The following PLCL1 variants were observed in gnomAD, a reference collection of about 807,000 sequenced individuals.
The protein encoded by PLCL1 is phospholipase C like 1 (inactive).
Under a neutral mutation model 84.4 loss-of-function variants are expected in PLCL1, and 41 were observed. That is an observed-to-expected ratio of 0.49 (90% CI 0.38 to 0.63). The LOEUF is 0.63. Ranked by LOEUF, PLCL1 falls within the 30% of genes least tolerant of loss-of-function variation. PLCL1 has a pLI of 0.00. For missense variants in PLCL1, 1,206 were observed against 1,367.8 expected, an observed-to-expected ratio of 0.88 and a Z score of 1.87; for synonymous variants, 490 against 488.3, an observed-to-expected ratio of 1.00 and a Z score of -0.05.
At chr2:198,132,618 T>C (rs1483448199) in intron 5 of PLCL1, among the ~76,000 whole-genome samples, 1 of 152,156 alleles carries the variant, frequency 6.6e-6, no homozygotes, top group East Asian at 1.9e-4. Context: ...GGAGGCCTTA[T>C]CATGACACTC....
rs1691359556 is a variant in PLCL1, at chr2:198,029,681, C to CTCTCT, written c.241-54074_241-54073insCTTCT. Among the ~76,000 whole-genome samples, 5 of 97,206 alleles carry CTCTCT rather than the reference C, an allele frequency of 5.1e-5. No individual in the cohort carries two copies. The South Asian group carries it at 1.4e-3, about 27-fold the overall frequency. 63.8% of individuals were successfully genotyped at this position (97,206 alleles called of 152,430 possible). On this transcript the variant is annotated intron_variant, in intron 1 of 5. Coordinates refer to ENST00000428675, the MANE Select transcript of PLCL1 (RefSeq NM_006226.4). ...ATGTCTCTTCCTTCCTTCTTCTCTT[C>CTCTCT]TCTTCTCTCCTCTTCTCTCCTCTTC...
At chr2:197,823,970 G>C (rs1690873934) in intron 1 of PLCL1, among the ~76,000 whole-genome samples, 1 of 152,110 alleles carries the variant, frequency 6.6e-6, no homozygotes, top group Admixed American at 6.6e-5. Context: ...TAGAGTAAAA[G>C]AATGAGCTAT....
intron 5 of PLCL1, among the ~76,000 whole-genome samples, chr2:198,110,838 T>C (rs1180457538): frequency 6.6e-6 from 1 of 151,774 alleles, no homozygotes; most frequent in Non-Finnish European, 1.5e-5. Context: ...TTTCCAGTGG[T>C]GTCTCTGGCA....
At chr2:197,890,109 C>G (rs1687987155) in intron 1 of PLCL1, among the ~76,000 whole-genome samples, 1 of 151,994 alleles carries the variant, frequency 6.6e-6, no homozygotes, top group South Asian at 2.1e-4. Flanking sequence ...GAGAGAAGAG[C>G]CAACAGGGAA....
rs1559121166 is a variant in PLCL1, at chr2:198,147,242, GAGAGAA to G, written c.*286_*291del. ...TGTGTGTGTGTGTGTGTGGCAGAGA[GAGAGAA>G]AGAGAGAGAGAGAGAGAAATTCTGT... is the stretch of plus-strand genomic sequence containing the variant. On this transcript the variant is annotated 3_prime_UTR_variant, in exon 6 of 6. Coordinates refer to ENST00000428675, the MANE Select transcript of PLCL1 (RefSeq NM_006226.4). 3 of 223,360 alleles carry G rather than the reference GAGAGAA, an allele frequency of 1.3e-5. No homozygotes were observed. Among genetic ancestry groups the G allele is most frequent in the African/African-American group, 4.7e-5 (2 of 42,670 alleles). 13.8% of individuals were successfully genotyped at this position (223,360 alleles called of 1,614,324 possible).
intron 1 of PLCL1, among the ~76,000 whole-genome samples, chr2:197,877,864 A>T (rs532294662): frequency 3.7e-4 from 57 of 152,254 alleles, no homozygotes; most frequent in African/African-American, 1.4e-3. Flanking sequence ...GGGGTCCTCA[A>T]ACCTCTTAAA....
intron 1 of PLCL1, among the ~76,000 whole-genome samples, chr2:198,040,938 A>G (rs1187645860): frequency 6.6e-6 from 1 of 152,188 alleles, no homozygotes; most frequent in African/African-American, 2.4e-5. Flanking sequence ...AGGCCAAAGA[A>G]AGGGCAACAA....
chr2:197,910,884 T>C (rs1221015458), intron 1 of PLCL1, among the ~76,000 whole-genome samples: 2 of 152,164 alleles, frequency 1.3e-5, no homozygotes, highest in African/African-American at 2.4e-5. Flanking sequence ...TTCTATAAAA[T>C]GTAAGAGGGA....
intron 1 of PLCL1, among the ~76,000 whole-genome samples, chr2:197,865,726 G>A (rs757581515): frequency 1.3e-5 from 2 of 151,826 alleles, no homozygotes. Flanking sequence ...AAAAATCACA[G>A]TTTAAGCTGG....
chr2:198,075,909 GCTCA>G (rs997644534), intron 1 of PLCL1, among the ~76,000 whole-genome samples: 3 of 152,174 alleles, frequency 2.0e-5, no homozygotes, highest in African/African-American at 7.2e-5. Flanking sequence ...CAGAGTAGGG[GCTCA>G]GTCAATCTTT....
intron 1 of PLCL1, among the ~76,000 whole-genome samples, chr2:197,879,057 A>G (rs553452722): frequency 5.9e-5 from 9 of 152,326 alleles, no homozygotes; most frequent in African/African-American, 2.2e-4. Flanking sequence ...GCTGGGGCAC[A>G]GCTTCCTTCT....
chr2:198,132,876 T>C (rs575446141), intron 5 of PLCL1, among the ~76,000 whole-genome samples: 68 of 152,092 alleles, frequency 4.5e-4, no homozygotes, highest in African/African-American at 1.5e-3. Context: ...CCATTGCTTT[T>C]GGTGTTTTGG....
chr2:197,890,701 T>TATATATATATATATATACACAC (rs11270566), intron 1 of PLCL1, among the ~76,000 whole-genome samples: 17 of 118,562 alleles, frequency 1.4e-4, no homozygotes, highest in South Asian at 5.4e-4. Context: ...TATATATATA[T>TATATATATATATATATACACAC]ACACACACAC....
chr2:197,989,562 A>G (rs1247414470), intron 1 of PLCL1, among the ~76,000 whole-genome samples: 1 of 152,084 alleles, frequency 6.6e-6, no homozygotes, highest in Non-Finnish European at 1.5e-5. Flanking sequence ...TGGTGCTAAG[A>G]TCATAATATA....
rs1453503318 is a variant in PLCL1, at chr2:197,842,810, C to G, written c.240+37471C>G. ...TGTCAACCTCTGTCGTATACTGTCT[C>G]AACTGTATTTCTCTCCCTTGATGGA... On this transcript the variant is annotated intron_variant, in intron 1 of 5. Coordinates refer to ENST00000428675, the MANE Select transcript of PLCL1 (RefSeq NM_006226.4). Among the ~76,000 whole-genome samples the G allele has an allele frequency of 2.0e-5, 3 of 152,144 alleles. No individual in the cohort carries two copies. In the East Asian group the frequency reaches 5.8e-4, roughly 29 times the overall value.
intron 1 of PLCL1, among the ~76,000 whole-genome samples, chr2:197,993,292 C>T (rs531717535): frequency 9.2e-5 from 14 of 152,050 alleles, no homozygotes; most frequent in Non-Finnish European, 1.8e-4. Flanking sequence ...TGCTTTTTGG[C>T]CATTTGTATA....
At position 197,813,989 on chromosome 2, in the gene PLCL1, A is replaced by C. The variant is rs568952153; in HGVS notation, c.240+8650A>C. Among the ~76,000 whole-genome samples the C allele has an allele frequency of 4.5e-4, 68 of 152,290 alleles. 2 individuals carry two copies. In the South Asian group the frequency reaches 9.9e-3, roughly 22 times the overall value. ...CCAATTTTTAAAACAGTTTTGGGAAACTCAAGGATTACTTGAATATACATT... is the reference window on the plus strand; with the variant it reads ...CCAATTTTTAAAACAGTTTTGGGAACCTCAAGGATTACTTGAATATACATT... On this transcript the variant is annotated intron_variant, in intron 1 of 5. Transcript: ENST00000428675.
At chr2:198,133,231 A>G (rs1392754500) in intron 5 of PLCL1, among the ~76,000 whole-genome samples, 1 of 152,000 alleles carries the variant, frequency 6.6e-6, no homozygotes, top group Non-Finnish European at 1.5e-5. Flanking sequence ...TTGTAGGGAC[A>G]TGGATGAAAT....
intron 1 of PLCL1, among the ~76,000 whole-genome samples, chr2:197,818,981 C>T (rs1361772322): frequency 6.6e-6 from 1 of 152,102 alleles, no homozygotes; most frequent in African/African-American, 2.4e-5. Flanking sequence ...CATGCCAAAT[C>T]TCCCACACCA....
Sources: gnomAD v4.1 joint callset for allele counts (sites outside exome capture counted in the v4.1 genomes callset) on GRCh38, gnomAD v4.1.1 for gene constraint, MANE v1.5 for transcripts, NCBI Gene and HGNC (gene_info 2026-07-23, HGNC 2026-07-21) for gene names.